Variants in WWOX observed in about 807,000 individuals in gnomAD.
WWOX encodes the protein WW domain containing oxidoreductase, also known as WW domain-containing oxidoreductase.
In WWOX, 69 loss-of-function variants were observed where a neutral mutation model predicts 46.2. The observed-to-expected ratio is 1.49, with a 90% CI of 1.23 to 1.82. The LOEUF is 1.82. WWOX is among the 40% of genes most tolerant of loss of function. WWOX has a pLI of 0.00. For synonymous variants in WWOX, 359 were observed against 202.6 expected (o/e 1.77, Z -6.56); for missense variants, 919 against 542.6 (o/e 1.69, Z -6.89).
chr16:78,908,572 G>C (rs562921370), intron 8 of WWOX, among the ~76,000 whole-genome samples: 10 of 151,962 alleles, frequency 6.6e-5, no homozygotes, highest in Middle Eastern at 3.4e-3. Flanking sequence ...TTCATGCAGA[G>C]CTGGCTGTGT....
At chr16:78,805,730 C>T (rs1370969526) in intron 8 of WWOX, among the ~76,000 whole-genome samples, 1 of 152,162 alleles carries the variant, frequency 6.6e-6, no homozygotes, top group African/African-American at 2.4e-5. Context: ...TCACTCTTTG[C>T]CAACTTCCTT....
chr16:78,458,939 C>A (rs553646968), intron 8 of WWOX, among the ~76,000 whole-genome samples: 7 of 152,152 alleles, frequency 4.6e-5, no homozygotes, highest in Non-Finnish European at 8.8e-5. Context: ...TTCTCTGTGT[C>A]ACCTCAGCAT....
chr16:78,581,508 C>T lies in WWOX; in HGVS notation c.1056+148756C>T, dbSNP rs1235827776. On this transcript the variant is annotated intron_variant, in intron 8 of 8. Transcript: ENST00000566780. Reference sequence around the variant, plus strand: ...TTTAACCCTTTGAAGTTGTGACTGCCAACGTGCTAGTCTTGTCGTCTTACA... The same window carrying T: ...TTTAACCCTTTGAAGTTGTGACTGCTAACGTGCTAGTCTTGTCGTCTTACA... Among the ~76,000 whole-genome samples the T allele has an allele frequency of 2.6e-5, 4 of 152,168 alleles. No individual in the cohort carries two copies. In the East Asian group the frequency reaches 7.7e-4, roughly 29 times the overall value.
chr16:78,462,667 A>G (rs2083979110), intron 8 of WWOX, among the ~76,000 whole-genome samples: 1 of 152,208 alleles, frequency 6.6e-6, no homozygotes, highest in Non-Finnish European at 1.5e-5. Context: ...AGTAGGAGTA[A>G]TAGAGTCATA....
intron 8 of WWOX, among the ~76,000 whole-genome samples, chr16:78,921,566 G>A (rs948273577): frequency 3.9e-5 from 6 of 152,224 alleles, no homozygotes; most frequent in Non-Finnish European, 8.8e-5. Flanking sequence ...GGACTGAGCA[G>A]CTTACTCACA....
At chr16:78,583,106 T>C (rs1247316184) in intron 8 of WWOX, among the ~76,000 whole-genome samples, 2 of 152,216 alleles carry the variant, frequency 1.3e-5, no homozygotes, top group Non-Finnish European at 2.9e-5. Context: ...TTAGGAGAAG[T>C]GAATCTTTTG....
chr16:79,145,372 ATTAT>A (rs1165038094), intron 8 of WWOX, among the ~76,000 whole-genome samples: 1 of 152,040 alleles, frequency 6.6e-6, no homozygotes, highest in African/African-American at 2.4e-5. Flanking sequence ...TTTTTTGTTA[ATTAT>A]TTTTATTTTT....
At chr16:78,566,785 C>G (rs117356649) in intron 8 of WWOX, among the ~76,000 whole-genome samples, 2,743 of 152,180 alleles carry the variant, frequency 0.018, 49 homozygotes, top group African/African-American at 0.043. Flanking sequence ...AACTGAGCAC[C>G]GATAGAGTAC....
chr16:79,068,512 A>G (rs1469614568), intron 8 of WWOX, among the ~76,000 whole-genome samples: 1 of 151,880 alleles, frequency 6.6e-6, no homozygotes, highest in African/African-American at 2.4e-5. Flanking sequence ...GAAGCTCAAG[A>G]CAGAGACGTG....
At chr16:79,203,730 T>C (rs2051418706) in intron 8 of WWOX, 1 of 152,162 alleles carries the variant, frequency 6.6e-6, no homozygotes, top group South Asian at 2.1e-4. Context: ...GGAGAAGCTG[T>C]TTGTTTTACC....
At chr16:78,901,732 A>C (rs1198517192) in intron 8 of WWOX, among the ~76,000 whole-genome samples, 1 of 152,166 alleles carries the variant, frequency 6.6e-6, no homozygotes, top group Non-Finnish European at 1.5e-5. Context: ...TAAGCGATCC[A>C]CCTGCCATGG....
chr16:78,605,669 C>A (rs999298949), intron 8 of WWOX, among the ~76,000 whole-genome samples: 1 of 152,178 alleles, frequency 6.6e-6, no homozygotes, highest in African/African-American at 2.4e-5. Flanking sequence ...ACAACTCCGC[C>A]TCTCGTGCTT....
At chr16:78,957,583 T>A (rs2046193154) in intron 8 of WWOX, among the ~76,000 whole-genome samples, 1 of 152,180 alleles carries the variant, frequency 6.6e-6, no homozygotes, top group South Asian at 2.1e-4. Flanking sequence ...TACCCGTGAT[T>A]CATAACTCAG....
At chr16:78,533,382 C>A (rs577133031) in intron 8 of WWOX, among the ~76,000 whole-genome samples, 1 of 151,188 alleles carries the variant, frequency 6.6e-6, no homozygotes, top group Admixed American at 6.6e-5. Context: ...TTGTCTTTGG[C>A]TGCACATAAT....
At chr16:79,135,177 T>G (rs2049959353) in intron 8 of WWOX, among the ~76,000 whole-genome samples, 1 of 152,346 alleles carries the variant, frequency 6.6e-6, no homozygotes, top group African/African-American at 2.4e-5. Context: ...TGACAGTGTA[T>G]TGTTAACCTT....
chr16:79,079,018 G>C (rs1190262446), intron 8 of WWOX, among the ~76,000 whole-genome samples: 2 of 152,120 alleles, frequency 1.3e-5, no homozygotes, highest in Non-Finnish European at 2.9e-5. Flanking sequence ...TAATACATTT[G>C]ACCTGCATTG....
intron 8 of WWOX, among the ~76,000 whole-genome samples, chr16:78,837,866 T>G (rs892161654): frequency 6.6e-6 from 1 of 152,200 alleles, no homozygotes; most frequent in Non-Finnish European, 1.5e-5. Flanking sequence ...TCAATAAATA[T>G]AAAGGTAAGT....
chr16:78,749,582 GA>G lies in WWOX; in HGVS notation c.1056+316837del, dbSNP rs530996812. Among the ~76,000 whole-genome samples, 355 of 152,142 alleles carry G rather than the reference GA, an allele frequency of 2.3e-3. 2 individuals are homozygous for G. The highest frequency in any genetic ancestry group is 8.0e-3 in the African/African-American group (331 of 41,512). On this transcript the variant is annotated intron_variant, in intron 8 of 8. Coordinates refer to ENST00000566780, the MANE Select transcript of WWOX (RefSeq NM_016373.4). Reference sequence around the variant, plus strand: ...TTAAGGATGTATTTATTTCAGTGGGGAAAAAAAGTGGAGGATATACATTTGG... The same window carrying G: ...TTAAGGATGTATTTATTTCAGTGGGGAAAAAAGTGGAGGATATACATTTGG...
At chr16:78,419,290 C>G (rs141505429) in intron 6 of WWOX, among the ~76,000 whole-genome samples, 3 of 151,978 alleles carry the variant, frequency 2.0e-5, no homozygotes, top group Non-Finnish European at 2.9e-5. Flanking sequence ...AAAAGCTGAT[C>G]CTACATTTTG....
Sources: gnomAD v4.1 joint callset for allele counts (sites outside exome capture counted in the v4.1 genomes callset) on GRCh38, gnomAD v4.1.1 for gene constraint, MANE v1.5 for transcripts, NCBI Gene and HGNC (gene_info 2026-07-23, HGNC 2026-07-21) for gene names.